Variants in GPR158 observed in about 807,000 individuals in gnomAD.
GPR158 encodes metabotropic glycine receptor.
GPR158 carries 30 observed loss-of-function variants against 78.2 expected under a neutral mutation model. That is an observed-to-expected ratio of 0.38 (90% CI 0.29 to 0.52). The LOEUF is 0.52. Among genes scored for constraint, GPR158 ranks in the 20% least tolerant of loss-of-function variants. GPR158 has a pLI of 0.83. For missense variants in GPR158, 1,463 were observed against 1,523.5 expected (o/e 0.96, Z 0.66); for synonymous variants, 581 against 591.1 (o/e 0.98, Z 0.25).
intron 2 of GPR158, among the ~76,000 whole-genome samples, chr10:25,317,268 G>T (rs532168974): frequency 6.6e-6 from 1 of 151,594 alleles, no homozygotes; most frequent in African/African-American, 2.4e-5. Context: ...GGCTGGTCTC[G>T]AACTCCTGAC....
At chr10:25,585,602 C>T (rs373359509) in intron 7 of GPR158, among the ~76,000 whole-genome samples, 73 of 152,328 alleles carry the variant, frequency 4.8e-4, no homozygotes, top group Non-Finnish European at 7.5e-4. Flanking sequence ...ACATTGATTA[C>T]GATTTTTCCA....
At chr10:25,326,225 G>A (rs550496366) in intron 2 of GPR158, among the ~76,000 whole-genome samples, 13 of 152,220 alleles carry the variant, frequency 8.5e-5, no homozygotes, top group African/African-American at 1.7e-4. Context: ...CTGTTCCTGC[G>A]TTAGTTTGCT....
chr10:25,269,993 TG>T (rs1854095717), intron 2 of GPR158, among the ~76,000 whole-genome samples: 1 of 152,146 alleles, frequency 6.6e-6, no homozygotes, highest in Non-Finnish European at 1.5e-5. Flanking sequence ...CCTTTTATAT[TG>T]GGAATTCAAG....
intron 5 of GPR158, among the ~76,000 whole-genome samples, chr10:25,501,893 T>A (rs1255598983): frequency 6.6e-6 from 1 of 152,086 alleles, no homozygotes; most frequent in Non-Finnish European, 1.5e-5. Flanking sequence ...CAGTCCCTCG[T>A]CTCCCTTTCT....
At chr10:25,445,457 A>G (rs757011239) in intron 4 of GPR158, among the ~76,000 whole-genome samples, 2 of 152,194 alleles carry the variant, frequency 1.3e-5, no homozygotes, top group Non-Finnish European at 2.9e-5. Flanking sequence ...AGCTTATAAA[A>G]TTTGGACTTA....
chr10:25,250,008 C>A (rs1853768946), intron 2 of GPR158, among the ~76,000 whole-genome samples: 2 of 141,904 alleles, frequency 1.4e-5, no homozygotes, highest in African/African-American at 5.3e-5. Flanking sequence ...TTGGTCTATT[C>A]AGAGATTCAA....
intron 2 of GPR158, among the ~76,000 whole-genome samples, chr10:25,303,261 C>T (rs1273573274): frequency 6.6e-6 from 1 of 152,192 alleles, no homozygotes; most frequent in Non-Finnish European, 1.5e-5. Flanking sequence ...GCACTAGCCA[C>T]ATTTCAAATG....
At chr10:25,505,675 A>C (rs996735281) in intron 5 of GPR158, among the ~76,000 whole-genome samples, 22 of 152,214 alleles carry the variant, frequency 1.4e-4, no homozygotes, top group African/African-American at 5.3e-4. Context: ...TGCTGTCCTC[A>C]GATCCAGCCT....
Position 25,411,308 on chromosome 10 carries a change from A to G in GPR158, c.1112-942A>G, listed in dbSNP as rs73608289. Among the ~76,000 whole-genome samples the G allele has an allele frequency of 4.3e-3, 659 of 152,306 alleles. 8 individuals are homozygous for G. The highest frequency in any genetic ancestry group is 0.015 in the African/African-American group (619 of 41,576). On this transcript the variant is annotated intron_variant, in intron 3 of 10. Transcript: ENST00000376351. ...AAGAGCTTGCAAAGTGGGAAATTAC[A>G]TGATAGCTTGTAAGTATAGACTGTA...
intron 2 of GPR158, among the ~76,000 whole-genome samples, chr10:25,377,204 G>A (rs920145368): frequency 1.3e-5 from 2 of 151,544 alleles, no homozygotes; most frequent in African/African-American, 4.8e-5. Flanking sequence ...TTGTTCCCAT[G>A]TTCTTTTCTG....
At chr10:25,399,149 AGT>A (rs1834407851) in intron 3 of GPR158, among the ~76,000 whole-genome samples, 1 of 152,172 alleles carries the variant, frequency 6.6e-6, no homozygotes, top group Admixed American at 6.5e-5. Context: ...AGAAAGAATG[AGT>A]GTCGAGCGAA....
intron 2 of GPR158, among the ~76,000 whole-genome samples, chr10:25,289,014 C>T (rs1854394726): frequency 6.6e-6 from 1 of 152,180 alleles, no homozygotes. Context: ...TGTAGAGGGA[C>T]AGAAGTCAGA....
At chr10:25,238,849 T>G (rs979750042) in intron 2 of GPR158, among the ~76,000 whole-genome samples, 4 of 152,214 alleles carry the variant, frequency 2.6e-5, no homozygotes, top group African/African-American at 4.8e-5. Flanking sequence ...ATATGTTCTG[T>G]TCAATTGCTG....
In GPR158 at chr10:25,374,900, T is replaced by A. The variant is rs538334298; in HGVS notation, c.1009-21011T>A. Among the ~76,000 whole-genome samples, 15 of 151,868 alleles carry A rather than the reference T, an allele frequency of 9.9e-5. No individual in the cohort carries two copies. The South Asian group carries it at 2.9e-3, about 29-fold the overall frequency. ...AACAAAGTTAACTTTTTTTCTGGTT[T>A]AAATGCCTAAGAATGCAATTGTTAT... On this transcript the variant is annotated intron_variant, in intron 2 of 10. Coordinates refer to ENST00000376351, the MANE Select transcript of GPR158 (RefSeq NM_020752.3).
intron 7 of GPR158, among the ~76,000 whole-genome samples, chr10:25,587,000 C>T (rs1837278515): frequency 6.6e-6 from 1 of 152,174 alleles, no homozygotes; most frequent in Non-Finnish European, 1.5e-5. Flanking sequence ...AGTCTCAATT[C>T]CGTCTTGCTG....
At chr10:25,249,347 T>C (rs895173585) in intron 2 of GPR158, among the ~76,000 whole-genome samples, 4 of 152,222 alleles carry the variant, frequency 2.6e-5, no homozygotes, top group Non-Finnish European at 4.4e-5. Context: ...TCCAACACTA[T>C]GTTGAATAGG....
At chr10:25,412,151 G>A (rs1834599994) in intron 3 of GPR158, 99 bp from the exon 4 acceptor site, 3 of 807,206 alleles carry the variant, frequency 3.7e-6, no homozygotes, top group East Asian at 2.4e-5. Flanking sequence ...TAATAAGTGA[G>A]AAAAGGAATG....
intron 2 of GPR158, among the ~76,000 whole-genome samples, chr10:25,323,530 T>G (rs1176494111): frequency 6.7e-6 from 1 of 148,480 alleles, no homozygotes; most frequent in Non-Finnish European, 1.5e-5. Context: ...TTAGGTAGAT[T>G]TTTTTTTTTT....
In GPR158 at chr10:25,597,137, T is replaced by C. The variant is rs145332683; in HGVS notation, c.2145+348T>C. On this transcript the variant is annotated intron_variant, in intron 10 of 10. Coordinates refer to ENST00000376351, the MANE Select transcript of GPR158 (RefSeq NM_020752.3). Reference sequence around the variant, plus strand: ...TTATAACATCTTGCTTAGGGAAAGGTAGGATAGATCTGTGGAGCAGAGAGG... The same window carrying C: ...TTATAACATCTTGCTTAGGGAAAGGCAGGATAGATCTGTGGAGCAGAGAGG... Among the ~76,000 whole-genome samples the C allele has an allele frequency of 6.2e-3, 942 of 152,278 alleles. 4 individuals are homozygous for C. Among genetic ancestry groups the C allele is most frequent in the African/African-American group, 0.021 (865 of 41,566 alleles).
Sources: allele counts gnomAD v4.1 joint callset (sites outside exome capture counted in the v4.1 genomes callset), GRCh38; gene constraint gnomAD v4.1.1; transcripts MANE v1.5; gene names NCBI Gene and HGNC (gene_info 2026-07-23, HGNC 2026-07-21).